LPCAT1: variants seen among roughly 807,000 people sequenced by gnomAD.
LPCAT1 encodes lysophosphatidylcholine acyltransferase 1.
In LPCAT1, 23 loss-of-function variants were observed where a neutral mutation model predicts 60.9. That is an observed-to-expected ratio of 0.38 (90% CI 0.27 to 0.53). The LOEUF is 0.53. Ranked by LOEUF, LPCAT1 falls within the 20% of genes least tolerant of loss-of-function variation. The pLI is 0.82. For synonymous variants in LPCAT1, 340 were observed against 301.1 expected, an observed-to-expected ratio of 1.13 and a Z score of -1.34; for missense variants, 622 against 723.6, an observed-to-expected ratio of 0.86 and a Z score of 1.61.
Position 1,463,533 on chromosome 5 carries a change from G to T in LPCAT1, c.*118C>A. Reference sequence around the variant, plus strand: ...AGCCCCCGAGGCCCCTGGAACTCGGGCTGAAGACAGTGCCTGTACAGCAGG... The same window carrying T: ...AGCCCCCGAGGCCCCTGGAACTCGGTCTGAAGACAGTGCCTGTACAGCAGG... On this transcript the variant is annotated 3_prime_UTR_variant, in exon 14 of 14. Coordinates refer to ENST00000283415, the MANE Select transcript of LPCAT1 (RefSeq NM_024830.5). 2 of 1,130,448 alleles carry T rather than the reference G, an allele frequency of 1.8e-6. No homozygotes were observed. The highest frequency in any genetic ancestry group is 2.5e-6 in the Non-Finnish European group (2 of 801,868). 70.0% of individuals were successfully genotyped at this position (1,130,448 alleles called of 1,614,324 possible).
At chr5:1,475,204 G>A (rs1168878624) in intron 9 of LPCAT1, among the ~76,000 whole-genome samples, 1 of 152,234 alleles carries the variant, frequency 6.6e-6, no homozygotes, top group Non-Finnish European at 1.5e-5. Context: ...ATGAGAAATC[G>A]GTGCCTCTCT....
At chr5:1,505,924 C>T (rs1350749307) in intron 1 of LPCAT1, among the ~76,000 whole-genome samples, 1 of 152,274 alleles carries the variant, frequency 6.6e-6, no homozygotes, top group African/African-American at 2.4e-5. Flanking sequence ...GCACCTGCTC[C>T]TGTTGGTGTC....
At chr5:1,463,869 G>A (rs1471717955) in intron 13 of LPCAT1, 34 bp from the exon 14 acceptor site, 1 of 1,606,274 alleles carries the variant, frequency 6.2e-7, no homozygotes, top group Admixed American at 1.7e-5. Flanking sequence ...GTTATGGAAT[G>A]GGGACGAGCA....
Position 1,523,787 on chromosome 5 carries a change from C to G in LPCAT1, c.58G>C (p.Asp20His). Residue 20 changes from aspartate to histidine, a missense_variant, in exon 1 of 14, where the codon GAC becomes CAC. Physicochemically the swap from Asp to His is moderately conservative, Grantham distance 81. This residue lies in a region of LPCAT1 where 125 missense variants were observed against 114.5 expected (regional missense o/e 1.09). Transcript: ENST00000283415. The surrounding 1 kb of genome is among the most constrained non-coding windows in gnomAD (Gnocchi z 7.1). ...CCCGGGGGCGCCAGCAGCCGAGCGT[C>G]GCTGGCCCCTGCGCTGGAGGCAGGG... Reference protein sequence around the residue: ...AAPASSAGASDARLLAPPGRN... With the variant: ...AAPASSAGASHARLLAPPGRN... The G allele has an allele frequency of 8.9e-7, 1 of 1,129,584 alleles. No homozygotes were observed. Among genetic ancestry groups the G allele is most frequent in the East Asian group, 5.0e-5 (1 of 19,850 alleles). 70.0% of individuals were successfully genotyped at this position (1,129,584 alleles called of 1,614,324 possible).
intron 5 of LPCAT1, among the ~76,000 whole-genome samples, chr5:1,484,915 G>A (rs75446999): frequency 6.6e-6 from 1 of 152,192 alleles, no homozygotes; most frequent in Non-Finnish European, 1.5e-5. Flanking sequence ...GTGTGCCCAG[G>A]TGGACGGGTG....
rs1004770242 is a variant in LPCAT1 at position 1,496,781 on chromosome 5, G to A, written c.279-1867C>T. 2.6e-4 allele frequency among the ~76,000 whole-genome samples: 39 copies of A among 152,208 alleles called. No individual in the cohort carries two copies. Among genetic ancestry groups the A allele is most frequent in the African/African-American group, 8.4e-4 (35 of 41,448 alleles). ...ACATGTGAAAACCCGGACTGCTGGT[G>A]TGGATGACAGCCTCAGAGAAAAGCT... On this transcript the variant is annotated intron_variant, in intron 2 of 13. Coordinates refer to ENST00000283415, the MANE Select transcript of LPCAT1 (RefSeq NM_024830.5). The surrounding 1 kb of genome is among the most constrained non-coding windows in gnomAD (Gnocchi z 4.7).
Position 1,461,839 on chromosome 5 carries a change from C to T in LPCAT1, c.*1812G>A, listed in dbSNP as rs962242274. 25 of 152,650 alleles carry T rather than the reference C, an allele frequency of 1.6e-4. No homozygotes were observed. Among genetic ancestry groups the T allele is most frequent in the African/African-American group, 5.5e-4 (23 of 41,520 alleles). The allele number at this position is 152,650 out of a possible 1,614,324, so 9.5% of individuals were successfully genotyped here. A position where few individuals can be genotyped will look rare whatever the true frequency, so the allele number is the denominator to read the frequency against. On this transcript the variant is annotated 3_prime_UTR_variant, in exon 14 of 14. Coordinates refer to ENST00000283415, the MANE Select transcript of LPCAT1 (RefSeq NM_024830.5). Reference sequence around the variant, plus strand: ...CCCTCGGAATATCTTAGTTTATTTACCTCCTTCATTGGCCATTTGCAGGCT... The same window carrying T: ...CCCTCGGAATATCTTAGTTTATTTATCTCCTTCATTGGCCATTTGCAGGCT...
At chr5:1,478,784 C>G (rs1049269277) in intron 8 of LPCAT1, among the ~76,000 whole-genome samples, 3 of 152,258 alleles carry the variant, frequency 2.0e-5, no homozygotes, top group Non-Finnish European at 4.4e-5. Context: ...TGTGACTCAT[C>G]TTTTATTTCC....
intron 1 of LPCAT1, among the ~76,000 whole-genome samples, chr5:1,511,257 C>T (rs1315031769): frequency 6.6e-6 from 1 of 152,212 alleles, no homozygotes; most frequent in Non-Finnish European, 1.5e-5. Flanking sequence ...GGGTTGACCT[C>T]CCCGGCGCGC....
intron 1 of LPCAT1, among the ~76,000 whole-genome samples, chr5:1,509,518 T>C (rs1156357141): frequency 6.6e-6 from 1 of 152,114 alleles, no homozygotes; most frequent in Non-Finnish European, 1.5e-5. Flanking sequence ...AGGCATCCCA[T>C]CGGACGGAGC....
chr5:1,521,325 A>C lies in LPCAT1; in HGVS notation c.135+2385T>G. ...AGCCCCTCCCAGGCGGCAAATGCTC[A>C]CAGGTAAATGCAGGTACTCACTGGT... On this transcript the variant is annotated intron_variant, in intron 1 of 13. Transcript: ENST00000283415. The surrounding 1 kb of genome is among the most constrained non-coding windows in gnomAD (Gnocchi z 4.3). 2.0e-6 allele frequency: 2 copies of C among 985,472 alleles called. No individual in the cohort carries two copies. Among genetic ancestry groups the C allele is most frequent in the South Asian group, 4.7e-5 (1 of 21,286 alleles). 61.0% of individuals were successfully genotyped at this position (985,472 alleles called of 1,614,324 possible).
chr5:1,487,740 A>T lies in LPCAT1; in HGVS notation c.667+651T>A, dbSNP rs1236172323. 6.6e-6 allele frequency among the ~76,000 whole-genome samples: 1 copy of T among 152,006 alleles called. No individual in the cohort carries two copies. Among genetic ancestry groups the T allele is most frequent in the Non-Finnish European group, 1.5e-5 (1 of 68,000 alleles). On this transcript the variant is annotated intron_variant, in intron 5 of 13. Transcript: ENST00000283415. The surrounding 1 kb of genome is among the most constrained non-coding windows in gnomAD (Gnocchi z 6.1). The stretch of plus-strand genomic sequence containing the variant: ...AAGCCACTACTTTCTAAAGTAGCCC[A>T]AGGGAGACGACAGGATCCAGGTGGA...
At chr5:1,504,108 G>A (rs1197907248) in intron 1 of LPCAT1, among the ~76,000 whole-genome samples, 6 of 152,082 alleles carry the variant, frequency 3.9e-5, no homozygotes, top group African/African-American at 1.4e-4. Flanking sequence ...ACTTTTTGAG[G>A]GAAAAGCCCA....
chr5:1,473,492 G>A (rs1198145763), intron 11 of LPCAT1, among the ~76,000 whole-genome samples: 2 of 152,270 alleles, frequency 1.3e-5, no homozygotes, highest in South Asian at 2.1e-4. Context: ...TGGGGATGAC[G>A]TGCGGAGGGC....
intron 12 of LPCAT1, among the ~76,000 whole-genome samples, chr5:1,470,067 G>A (rs1242575301): frequency 1.3e-5 from 2 of 152,258 alleles, no homozygotes; most frequent in Non-Finnish European, 2.9e-5. Context: ...GGGAGTTCTT[G>A]GAGCGGTGAG....
chr5:1,472,932 TCA>T (rs1446146839), intron 11 of LPCAT1, among the ~76,000 whole-genome samples: 1 of 152,122 alleles, frequency 6.6e-6, no homozygotes, highest in Non-Finnish European at 1.5e-5. Flanking sequence ...GATCCTTGGT[TCA>T]CACTCTGCAT....
At chr5:1,517,179 C>G (rs1039703376) in intron 1 of LPCAT1, among the ~76,000 whole-genome samples, 1 of 152,208 alleles carries the variant, frequency 6.6e-6, no homozygotes, top group African/African-American at 2.4e-5. Flanking sequence ...TAAGCATGCC[C>G]CAGCACCCAC....
chr5:1,523,757 T>C lies in LPCAT1; in HGVS notation c.88A>G (p.Asn30Asp). Residue 30 changes from asparagine to aspartate, a missense_variant, in exon 1 of 14, where the codon AAC becomes GAC. This residue lies in a region of LPCAT1 where 125 missense variants were observed against 114.5 expected (regional missense o/e 1.09). Transcript: ENST00000283415. This position sits in a 1 kb window ranked among gnomAD's most constrained non-coding sequence, Gnocchi z 7.1. ...DARLLAPPGR[N>D]PFVHELRLSA... ...AGGCGCAGCTCGTGCACGAAGGGGTTCCGCCCCGGGGGCGCCAGCAGCCGA... is the reference window on the plus strand; with the variant it reads ...AGGCGCAGCTCGTGCACGAAGGGGTCCCGCCCCGGGGGCGCCAGCAGCCGA... 8.6e-7 allele frequency: 1 copy of C among 1,165,190 alleles called. No individual in the cohort carries two copies. The highest frequency in any genetic ancestry group is 4.9e-5 in the East Asian group (1 of 20,608). The allele number at this position is 1,165,190 out of a possible 1,614,324, so 72.2% of individuals were successfully genotyped here.
chr5:1,477,291 C>T lies in LPCAT1; in HGVS notation c.899+113G>A, dbSNP rs1323650215. On this transcript the variant is annotated intron_variant, in intron 9 of 13. Transcript: ENST00000283415. The surrounding 1 kb of genome is among the most constrained non-coding windows in gnomAD (Gnocchi z 6.0). ...CCAACATGCATGAAGCTGGTTCCCG[C>T]ACTTCTGCAAGAATGCCTTTTCCTA... 2 of 847,288 alleles carry T rather than the reference C, an allele frequency of 2.4e-6. No individual in the cohort carries two copies. The highest frequency in any genetic ancestry group is 3.8e-6 in the Non-Finnish European group (2 of 523,396). The allele number at this position is 847,288 out of a possible 1,614,324, so 52.5% of individuals were successfully genotyped here.
Sources: gnomAD v4.1 joint callset for allele counts (sites outside exome capture counted in the v4.1 genomes callset) on GRCh38, gnomAD v4.1.1 for gene constraint, gnomAD v4.1.1 regional missense constraint, Gnocchi (gnomAD v3.1) non-coding constraint, MANE v1.5 for transcripts, NCBI Gene and HGNC (gene_info 2026-07-23, HGNC 2026-07-21) for gene names.